The following PCLO variants were observed in gnomAD, a reference collection of about 807,000 sequenced individuals.
The protein encoded by PCLO is protein piccolo.
Under a neutral mutation model 427.5 loss-of-function variants are expected in PCLO, and 82 were observed. That is an observed-to-expected ratio of 0.19 (90% confidence interval 0.16 to 0.23). PCLO has a LOEUF of 0.23. Among genes scored for constraint, PCLO ranks in the 10% least tolerant of loss-of-function variants. The pLI is 1.00. For missense variants in PCLO, 6,239 were observed against 6,115.9 expected, an observed-to-expected ratio of 1.02 and a Z score of -0.67; for synonymous variants, 2,357 against 2,155.4, an observed-to-expected ratio of 1.09 and a Z score of -2.59.
chr7:83,083,901 T>G (rs1790165861), intron 3 of PCLO, among the ~76,000 whole-genome samples: 1 of 152,132 alleles, frequency 6.6e-6, no homozygotes, highest in Non-Finnish European at 1.5e-5. Context: ...TTTGTAAGAA[T>G]AAGAACAGAG....
chr7:82,872,688 A>G (rs914774105), intron 10 of PCLO, among the ~76,000 whole-genome samples: 3 of 152,148 alleles, frequency 2.0e-5, no homozygotes, highest in African/African-American at 4.8e-5. Flanking sequence ...TAATTATAGC[A>G]TTGTCTAAAG....
intron 3 of PCLO, among the ~76,000 whole-genome samples, chr7:83,090,834 G>A (rs982701216): frequency 2.0e-5 from 3 of 151,982 alleles, no homozygotes; most frequent in Non-Finnish European, 4.4e-5. Flanking sequence ...TTTTAATCCT[G>A]TGCTAAATGC....
intron 6 of PCLO, among the ~76,000 whole-genome samples, chr7:82,949,209 T>A (rs955725226): frequency 1.3e-5 from 2 of 152,162 alleles, no homozygotes; most frequent in Admixed American, 6.6e-5. Flanking sequence ...TTGCTTCACA[T>A]AATGTGTTTT....
chr7:82,932,835 C>A (rs941744410), intron 6 of PCLO, among the ~76,000 whole-genome samples: 4 of 151,960 alleles, frequency 2.6e-5, no homozygotes, highest in Non-Finnish European at 5.9e-5. Context: ...TTTATGATTT[C>A]TTTTATATTT....
At position 83,162,875 on chromosome 7, in the gene PCLO, A is replaced by T; in HGVS notation, c.-283T>A. ...CGCCTCGGCGCCCCGAGCCGGGGAG[A>T]AGCAGATCTGAGCGGTGCCAGCCGG... is the stretch of plus-strand genomic sequence containing the variant. On this transcript the variant is annotated 5_prime_UTR_variant, in exon 1 of 25. Transcript: ENST00000333891. 2.1e-6 allele frequency: 1 copy of T among 479,410 alleles called. No homozygotes were observed. Among genetic ancestry groups the T allele is most frequent in the South Asian group, 2.7e-5 (1 of 37,528 alleles). The allele number at this position is 479,410 out of a possible 1,614,324, so 29.7% of individuals were successfully genotyped here.
Position 82,966,159 on chromosome 7 carries a change from T to A in PCLO, c.3629A>T (p.Glu1210Val), listed in dbSNP as rs767139384. 1.2e-6 allele frequency: 2 copies of A among 1,609,822 alleles called. No individual in the cohort carries two copies. Among genetic ancestry groups the A allele is most frequent in the South Asian group, 2.2e-5 (2 of 90,002 alleles). ...LEKDKASALQ[E>V]KKPLPEEKKL... ...TTTTTCTTCAGGGAGTGGCTTTTTTTCTTGAAGAGCTGAAGCTTTGTCTTT... is the reference window on the plus strand; with the variant it reads ...TTTTTCTTCAGGGAGTGGCTTTTTTACTTGAAGAGCTGAAGCTTTGTCTTT... Residue 1210 changes from glutamate to valine, a missense_variant, in exon 4 of 25, where the codon GAA (glutamate) becomes GTA (valine). This residue lies in a region of PCLO where 4,677 missense variants were observed against 4,468.4 expected (regional missense o/e 1.05). Transcript: ENST00000333891.
chr7:82,779,608 T>A (rs1790826499), intron 22 of PCLO, among the ~76,000 whole-genome samples: 1 of 152,096 alleles, frequency 6.6e-6, no homozygotes, highest in Non-Finnish European at 1.5e-5. Flanking sequence ...TTACTTAGAA[T>A]GAAGAAACAA....
In PCLO at chr7:82,758,639, A is replaced by T; in HGVS notation, c.15365T>A (p.Val5122Glu). 1.2e-6 allele frequency: 2 copies of T among 1,611,588 alleles called. No homozygotes were observed. Among genetic ancestry groups the T allele is most frequent in the Non-Finnish European group, 8.5e-7 (1 of 1,178,106 alleles). The change falls in exon 25 of 25, where the codon GTG (valine) becomes GAG (glutamate). Residue 5122 changes from valine to glutamate, a missense_variant. Transcript: ENST00000333891. The part of the protein sequence containing the change: ...IGEACIWLDK[V>E]DLRKRIVNWH... ...GTTGACTATTCTTTTTCTGAGATCC[A>T]CTTTGTCAAGCCAGATACAGGCTTC...
intron 22 of PCLO, among the ~76,000 whole-genome samples, chr7:82,785,049 G>C (rs903398653): frequency 7.2e-5 from 11 of 152,010 alleles, no homozygotes; most frequent in African/African-American, 2.7e-4. Flanking sequence ...AGTTTCTTTG[G>C]TATTATTTTA....
chr7:83,082,808 C>A (rs1437190302), intron 3 of PCLO, among the ~76,000 whole-genome samples: 4 of 151,194 alleles, frequency 2.6e-5, no homozygotes, highest in Non-Finnish European at 5.9e-5. Flanking sequence ...TAAAAAATAT[C>A]TGAAAAAGAA....
At chr7:82,820,586 T>A (rs2115630552) in intron 20 of PCLO, 1 of 1,228,524 alleles carries the variant, frequency 8.1e-7, no homozygotes, top group African/African-American at 1.6e-5. Flanking sequence ...GGAAAATGTC[T>A]GTTTGTAGGA....
chr7:82,770,249 CT>C (rs375676065), intron 22 of PCLO, among the ~76,000 whole-genome samples: 1 of 151,750 alleles, frequency 6.6e-6, no homozygotes, highest in Non-Finnish European at 1.5e-5. Flanking sequence ...TTCCCTTATT[CT>C]TTTTTTAAAA....
intron 3 of PCLO, among the ~76,000 whole-genome samples, chr7:83,068,064 T>C (rs909302707): frequency 3.9e-5 from 6 of 152,196 alleles, no homozygotes; most frequent in Non-Finnish European, 7.3e-5. Flanking sequence ...TTGGGTAATA[T>C]ATAAAAGTCA....
chr7:83,099,536 G>C (rs962154624), intron 3 of PCLO, among the ~76,000 whole-genome samples: 2 of 151,510 alleles, frequency 1.3e-5, no homozygotes, highest in African/African-American at 4.9e-5. Context: ...TTACAGGCAG[G>C]GGCCACCATG....
chr7:82,759,429 A>G (rs948178193), intron 24 of PCLO, among the ~76,000 whole-genome samples: 2 of 151,860 alleles, frequency 1.3e-5, no homozygotes, highest in Non-Finnish European at 2.9e-5. Flanking sequence ...AGATATGACT[A>G]TCTCTTCTGG....
At position 82,956,187 on chromosome 7, in the gene PCLO, G is replaced by C. The variant is rs1562883316; in HGVS notation, c.4766C>G (p.Thr1589Ser). 1 of 1,609,362 alleles carries C rather than the reference G, an allele frequency of 6.2e-7. No homozygotes were observed. The highest frequency in any genetic ancestry group is 8.5e-7 in the Non-Finnish European group (1 of 1,179,816). The stretch of plus-strand genomic sequence containing the variant: ...TGTTTCTTCCTTCTTCTGGCTCTCA[G>C]TACTGCTACTAATCTCTTTGAGCTG... The part of the protein sequence containing the change: ...RNQLKEISSS[T>S]ESQKKEETKG... The change falls in exon 5 of 25, where the codon ACT (threonine) becomes AGT (serine). Residue 1589 changes from threonine (T) to serine (S), a missense_variant. By Grantham distance (58) the Thr-to-Ser change is moderately conservative. Around this residue, in one of 5 missense-constraint regions of PCLO, gnomAD observed 4,677 missense variants for 4,468.4 expected, o/e 1.05. Transcript: ENST00000333891.
At chr7:82,770,127 G>A (rs188731145) in intron 22 of PCLO, among the ~76,000 whole-genome samples, 55 of 152,114 alleles carry the variant, frequency 3.6e-4, no homozygotes, top group African/African-American at 1.2e-3. Flanking sequence ...TCAAGCCTAG[G>A]TGATGAAAGT....
chr7:82,824,330 A>G lies in PCLO; in HGVS notation c.14502T>C (p.His4834=). 1 of 1,613,460 alleles carries G rather than the reference A, an allele frequency of 6.2e-7. No homozygotes were observed. The highest frequency in any genetic ancestry group is 1.1e-5 in the South Asian group (1 of 91,066). Residue 4834 remains histidine, a synonymous_variant, in exon 19 of 25, where the codon CAT becomes CAC. Transcript: ENST00000333891. ...TGCTCTGACTGGAATGAGACTTGCCATGATCAATGCTTTCAGTCTGTTCTT... is the reference window on the plus strand; with the variant it reads ...TGCTCTGACTGGAATGAGACTTGCCGTGATCAATGCTTTCAGTCTGTTCTT... The part of the protein sequence containing the change: ...PLKEQTESID[H]GKSHSSQSSQ...
At chr7:82,793,319 T>C (rs1357542001) in intron 22 of PCLO, among the ~76,000 whole-genome samples, 4 of 152,170 alleles carry the variant, frequency 2.6e-5, no homozygotes, top group African/African-American at 9.7e-5. Flanking sequence ...CCTATGTGTG[T>C]GGCCGACGCT....
Sources: allele counts gnomAD v4.1 joint callset (sites outside exome capture counted in the v4.1 genomes callset), GRCh38; gene constraint gnomAD v4.1.1; regional missense constraint gnomAD v4.1.1; transcripts MANE v1.5; gene names NCBI Gene and HGNC (gene_info 2026-07-23, HGNC 2026-07-21).